MAGI3: variants seen among roughly 807,000 people sequenced by gnomAD.
MAGI3 encodes membrane-associated guanylate kinase, WW and PDZ domain-containing protein 3.
MAGI3 carries 43 observed loss-of-function variants against 121.8 expected under a neutral mutation model. The observed-to-expected ratio is 0.35, with a 90% CI of 0.28 to 0.46. The LOEUF is 0.46. MAGI3 is among the 20% of genes least tolerant of loss of function. The pLI is 1.00. For missense variants in MAGI3, 1,547 were observed against 1,797.3 expected (o/e 0.86, Z 2.52); for synonymous variants, 553 against 639.3 (o/e 0.86, Z 2.04).
chr1:113,466,087 A>G (rs981360598), intron 1 of MAGI3, among the ~76,000 whole-genome samples: 1 of 152,144 alleles, frequency 6.6e-6, no homozygotes, highest in Admixed American at 6.6e-5. Context: ...TCTTAGAGGA[A>G]AGATCTTCAA....
At chr1:113,636,894 T>A (rs1652064967) in intron 9 of MAGI3, among the ~76,000 whole-genome samples, 1 of 152,050 alleles carries the variant, frequency 6.6e-6, no homozygotes, top group African/African-American at 2.4e-5. Flanking sequence ...AGGACTTGCT[T>A]TATGAATCTG....
At chr1:113,544,040 T>C (rs1659414511) in intron 1 of MAGI3, among the ~76,000 whole-genome samples, 4 of 152,238 alleles carry the variant, frequency 2.6e-5, no homozygotes, top group South Asian at 4.1e-4. Context: ...TTTTGTGTCA[T>C]AGAATGAATA....
intron 6 of MAGI3, among the ~76,000 whole-genome samples, chr1:113,611,820 A>G (rs1308709492): frequency 3.3e-5 from 5 of 152,166 alleles, no homozygotes; most frequent in Admixed American, 3.3e-4. Context: ...TTCCCTTTGC[A>G]TACAACTTTC....
chr1:113,550,998 C>G (rs1659765340), intron 2 of MAGI3, among the ~76,000 whole-genome samples: 1 of 150,454 alleles, frequency 6.6e-6, no homozygotes, highest in African/African-American at 2.4e-5. Flanking sequence ...GAAAGGGACT[C>G]TCTCTTACTT....
Position 113,685,849 on chromosome 1 carries a change from A to C in MAGI3, c.*1835A>C, listed in dbSNP as rs1389325781. On this transcript the variant is annotated 3_prime_UTR_variant, in exon 21 of 21. Coordinates refer to ENST00000307546, the MANE Select transcript of MAGI3 (RefSeq NM_001142782.2). The stretch of plus-strand genomic sequence containing the variant: ...TATATATTGTACAGTACCTTTATAT[A>C]TACACTTGAGGTTCTGATTAGAGAA... 6.6e-6 allele frequency: 1 copy of C among 152,318 alleles called. No individual in the cohort carries two copies. The highest frequency in any genetic ancestry group is 2.4e-5 in the African/African-American group (1 of 41,444). The allele number at this position is 152,318 out of a possible 1,614,324, so 9.4% of individuals were successfully genotyped here.
intron 7 of MAGI3, among the ~76,000 whole-genome samples, chr1:113,618,284 C>T (rs1233472469): frequency 1.3e-5 from 2 of 151,824 alleles, no homozygotes; most frequent in African/African-American, 4.8e-5. Context: ...CTGCAGTGAG[C>T]TGTGATTGGA....
At chr1:113,561,704 A>C (rs1184673692) in intron 2 of MAGI3, among the ~76,000 whole-genome samples, 1 of 152,220 alleles carries the variant, frequency 6.6e-6, no homozygotes, top group Non-Finnish European at 1.5e-5. Flanking sequence ...AAACCAGCAC[A>C]AGACAAGGAT....
intron 1 of MAGI3, among the ~76,000 whole-genome samples, chr1:113,431,742 CAGAT>C (rs1570666236): frequency 6.6e-6 from 1 of 152,184 alleles, no homozygotes; most frequent in East Asian, 1.9e-4. Context: ...AAAATATTTT[CAGAT>C]AGGGCGACTG....
chr1:113,414,973 T>C (rs1652223665), intron 1 of MAGI3, among the ~76,000 whole-genome samples: 1 of 152,002 alleles, frequency 6.6e-6, no homozygotes. Flanking sequence ...TATGTGAAAT[T>C]TGGTATATAA....
chr1:113,646,611 C>T lies in MAGI3; in HGVS notation c.2124C>T (p.Tyr708=), dbSNP rs752896252. The change falls in exon 12 of 21, where the codon TAC becomes TAT. Residue 708 remains tyrosine (Y), a synonymous_variant. Coordinates refer to ENST00000307546, the MANE Select transcript of MAGI3 (RefSeq NM_001142782.2). The stretch of plus-strand genomic sequence containing the variant: ...CAAAATTGGATCCTTCTGAGGTCTA[C>T]CTGAAATCTAAGACTTTATATGAAG... The part of the protein sequence containing the change: ...GSPKLDPSEV[Y]LKSKTLYEDK... 8.7e-6 allele frequency: 14 copies of T among 1,604,396 alleles called. 1 individual carries two copies. The South Asian group carries it at 1.6e-4, about 18-fold the overall frequency.
chr1:113,595,856 C>A (rs1014377620), intron 6 of MAGI3, among the ~76,000 whole-genome samples: 2 of 152,060 alleles, frequency 1.3e-5, no homozygotes, highest in Admixed American at 1.3e-4. Flanking sequence ...CAGGGTGAAA[C>A]CCTGTCTCTA....
intron 1 of MAGI3, among the ~76,000 whole-genome samples, chr1:113,470,496 A>G (rs572937023): frequency 1.2e-4 from 19 of 152,324 alleles, no homozygotes; most frequent in Non-Finnish European, 2.6e-4. Context: ...GGACACATCT[A>G]TCTGCAAATG....
chr1:113,538,337 T>G lies in MAGI3; in HGVS notation c.317-11178T>G, dbSNP rs1659100904. Among the ~76,000 whole-genome samples the G allele has an allele frequency of 2.0e-5, 3 of 152,226 alleles. No homozygotes were observed. In the South Asian group the frequency reaches 6.2e-4, roughly 32 times the overall value. ...TAAAGACTACTAAACCCAGTTATTA[T>G]GTTTTCAGTGAAAATGACAGTGCAC... is the stretch of plus-strand genomic sequence containing the variant. On this transcript the variant is annotated intron_variant, in intron 1 of 20. Transcript: ENST00000307546.
intron 1 of MAGI3, among the ~76,000 whole-genome samples, chr1:113,521,088 ATTT>A (rs112195143): frequency 7.1e-6 from 1 of 141,148 alleles, no homozygotes; most frequent in Non-Finnish European, 1.5e-5. Flanking sequence ...AGTGCTATTC[ATTT>A]TTTTTTTTTT....
chr1:113,434,614 CCTCT>C (rs775918781), intron 1 of MAGI3, among the ~76,000 whole-genome samples: 1 of 152,120 alleles, frequency 6.6e-6, no homozygotes. Flanking sequence ...GTCCTCTGTG[CCTCT>C]CTATGTTTTA....
At chr1:113,604,307 G>C (rs1208674271) in intron 6 of MAGI3, among the ~76,000 whole-genome samples, 1 of 152,032 alleles carries the variant, frequency 6.6e-6, no homozygotes, top group Non-Finnish European at 1.5e-5. Context: ...ATTGGCTCAT[G>C]CCTGTAATCC....
At chr1:113,395,002 A>C (rs1218827739) in intron 1 of MAGI3, among the ~76,000 whole-genome samples, 2 of 151,536 alleles carry the variant, frequency 1.3e-5, no homozygotes, top group Non-Finnish European at 2.9e-5. Context: ...AAGAAACACT[A>C]CTGGATGCTT....
At chr1:113,476,404 A>G (rs1557777251) in intron 1 of MAGI3, among the ~76,000 whole-genome samples, 1 of 152,212 alleles carries the variant, frequency 6.6e-6, no homozygotes, top group African/African-American at 2.4e-5. Flanking sequence ...TGTGTCCCAG[A>G]GATTCTGGTA....
intron 6 of MAGI3, among the ~76,000 whole-genome samples, chr1:113,600,623 T>C (rs1649307844): frequency 6.6e-6 from 1 of 152,056 alleles, no homozygotes; most frequent in Non-Finnish European, 1.5e-5. Context: ...GAAGAATCAA[T>C]ATCGTGAAAA....
Sources: allele counts gnomAD v4.1 joint callset (sites outside exome capture counted in the v4.1 genomes callset), GRCh38; gene constraint gnomAD v4.1.1; transcripts MANE v1.5; gene names NCBI Gene and HGNC (gene_info 2026-07-23, HGNC 2026-07-21).